KHDRBS3: variants seen among roughly 807,000 people sequenced by gnomAD.
KHDRBS3 encodes KH domain-containing, RNA-binding, signal transduction-associated protein 3.
Under a neutral mutation model 45.6 loss-of-function variants are expected in KHDRBS3, and 23 were observed. That is an observed-to-expected ratio of 0.50 (90% CI 0.36 to 0.72). KHDRBS3 has a LOEUF of 0.72. Ranked by LOEUF, KHDRBS3 falls within the 30% of genes least tolerant of loss-of-function variation. The pLI is 0.00. For missense variants in KHDRBS3, 352 were observed against 424.8 expected, an observed-to-expected ratio of 0.83 and a Z score of 1.51; for synonymous variants, 162 against 156.5, an observed-to-expected ratio of 1.04 and a Z score of -0.26.
At chr8:135,633,078 C>T (rs537392636) in intron 7 of KHDRBS3, among the ~76,000 whole-genome samples, 34 of 152,190 alleles carry the variant, frequency 2.2e-4, no homozygotes, top group African/African-American at 5.5e-4. Flanking sequence ...TCTGATCATG[C>T]GACGTATTAT....
intron 4 of KHDRBS3, among the ~76,000 whole-genome samples, chr8:135,556,327 T>A (rs10094275): frequency 0.58 from 87,691 of 152,102 alleles, 26,229 homozygotes; most frequent in East Asian, 0.78. Flanking sequence ...TTCCATGTAG[T>A]TGAACTAATT....
intron 1 of KHDRBS3, among the ~76,000 whole-genome samples, chr8:135,503,427 G>C (rs1363538048): frequency 6.6e-6 from 1 of 152,180 alleles, no homozygotes; most frequent in Non-Finnish European, 1.5e-5. Context: ...GGTTTAGTTG[G>C]AAAAGTTCCC....
chr8:135,512,048 A>G (rs1401774682), intron 1 of KHDRBS3, among the ~76,000 whole-genome samples: 1 of 152,178 alleles, frequency 6.6e-6, no homozygotes, highest in Non-Finnish European at 1.5e-5. Context: ...TAGGCACTGT[A>G]TGAATCAATC....
At chr8:135,644,455 G>A (rs189633513) in intron 7 of KHDRBS3, among the ~76,000 whole-genome samples, 5 of 152,248 alleles carry the variant, frequency 3.3e-5, no homozygotes, top group Non-Finnish European at 5.9e-5. Flanking sequence ...AGCAGCTTCC[G>A]GATGGTGATG....
chr8:135,528,394 C>T (rs1825301080), intron 2 of KHDRBS3, among the ~76,000 whole-genome samples: 3 of 152,078 alleles, frequency 2.0e-5, no homozygotes, highest in African/African-American at 7.2e-5. Context: ...CCATGGAAAT[C>T]ATCGTGGATT....
intron 7 of KHDRBS3, among the ~76,000 whole-genome samples, chr8:135,640,655 C>T (rs986336421): frequency 1.1e-4 from 16 of 152,078 alleles, no homozygotes; most frequent in African/African-American, 2.4e-4. Context: ...CCCGTTGTAA[C>T]GGGGTGGGTC....
At chr8:135,522,230 G>A (rs2130658643) in intron 2 of KHDRBS3, among the ~76,000 whole-genome samples, 1 of 152,286 alleles carries the variant, frequency 6.6e-6, no homozygotes, top group Non-Finnish European at 1.5e-5. Flanking sequence ...TTAGTCTGCT[G>A]AAGATAATAG....
chr8:135,512,742 A>C (rs2130594010), intron 1 of KHDRBS3, among the ~76,000 whole-genome samples: 1 of 152,362 alleles, frequency 6.6e-6, no homozygotes, highest in South Asian at 2.1e-4. Context: ...AAAAATGAAT[A>C]AATAGATGTT....
intron 7 of KHDRBS3, among the ~76,000 whole-genome samples, chr8:135,636,232 T>C (rs544946108): frequency 1.3e-5 from 2 of 152,320 alleles, no homozygotes; most frequent in Admixed American, 6.5e-5. Flanking sequence ...TGTACTTCAG[T>C]GTGCCCCAGA....
chr8:135,623,534 T>A (rs1830234313), intron 7 of KHDRBS3, among the ~76,000 whole-genome samples: 1 of 152,296 alleles, frequency 6.6e-6, no homozygotes, highest in South Asian at 2.1e-4. Context: ...GTATTTATTT[T>A]TTTAGGGTTG....
Position 135,557,582 on chromosome 8 carries a change from AAC to A in KHDRBS3, c.607_608del (p.Thr203GlnfsTer67). The A allele has an allele frequency of 6.2e-7, 1 of 1,611,238 alleles. No homozygotes were observed. The highest frequency in any genetic ancestry group is 8.5e-7 in the Non-Finnish European group (1 of 1,178,612). ...RTRGVPAPAI[T>X]RGRGGVTARP... ...CAAGAGGTGTACCAGCCCCAGCAAT[AAC>A]CAGGTAGGTGTAAATTTTTTTTTAG... On this transcript the variant is annotated frameshift_variant, in exon 5 of 9. Coordinates refer to ENST00000355849, the MANE Select transcript of KHDRBS3 (RefSeq NM_006558.3). LOFTEE classifies it high-confidence loss of function.
chr8:135,536,588 G>A (rs1394206878), intron 2 of KHDRBS3, among the ~76,000 whole-genome samples: 1 of 152,102 alleles, frequency 6.6e-6, no homozygotes, highest in African/African-American at 2.4e-5. Context: ...ACAGAGAAAG[G>A]ACTCTACAGT....
chr8:135,583,377 A>G (rs906171700), intron 6 of KHDRBS3, among the ~76,000 whole-genome samples: 2 of 152,162 alleles, frequency 1.3e-5, no homozygotes, highest in African/African-American at 4.8e-5. Context: ...CTTCCTAATA[A>G]TCTTACCAGA....
chr8:135,548,928 C>G (rs1826446602), intron 4 of KHDRBS3, 28 bp downstream of exon 4: 5 of 1,504,070 alleles, frequency 3.3e-6, no homozygotes, highest in Non-Finnish European at 4.5e-6. Context: ...TGATAGTTAA[C>G]TTGTACTTTA....
chr8:135,495,363 C>T (rs959782844), intron 1 of KHDRBS3, among the ~76,000 whole-genome samples: 65 of 152,158 alleles, frequency 4.3e-4, no homozygotes, highest in Non-Finnish European at 7.6e-4. Flanking sequence ...AAGCTATGTT[C>T]TCTTGCTGTT....
At chr8:135,653,204 G>T (rs1831465130) in intron 4 of KHDRBS3, among the ~76,000 whole-genome samples, 1 of 152,108 alleles carries the variant, frequency 6.6e-6, no homozygotes, top group Admixed American at 6.5e-5. Context: ...TCTGCTTGTT[G>T]GTGGGTTTTT....
At chr8:135,597,389 GCACC>G (rs1241245034) in intron 6 of KHDRBS3, among the ~76,000 whole-genome samples, 1 of 152,084 alleles carries the variant, frequency 6.6e-6, no homozygotes, top group African/African-American at 2.4e-5. Context: ...GCAAACCACA[GCACC>G]CCTCTACCTC....
At chr8:135,646,941 C>T in intron 8 of KHDRBS3, 52 bp from the exon 9 acceptor site, 2 of 968,348 alleles carry the variant, frequency 2.1e-6, no homozygotes, top group Non-Finnish European at 3.4e-6. Context: ...AAAAATGAAG[C>T]CTGTGGGATT....
chr8:135,639,418 A>G (rs977832717), intron 7 of KHDRBS3, among the ~76,000 whole-genome samples: 1 of 152,214 alleles, frequency 6.6e-6, no homozygotes, highest in Admixed American at 6.5e-5. Flanking sequence ...TCATCCTCCC[A>G]TATGCTGAAA....
Sources: allele counts gnomAD v4.1 joint callset (sites outside exome capture counted in the v4.1 genomes callset), GRCh38; gene constraint gnomAD v4.1.1; transcripts MANE v1.5; gene names NCBI Gene and HGNC (gene_info 2026-07-23, HGNC 2026-07-21).